USP14: variants seen among roughly 807,000 people sequenced by gnomAD.
The protein encoded by USP14 is ubiquitin specific peptidase 14.
A neutral mutation model predicts 76.5 loss-of-function variants in USP14; 38 were observed. That is an observed-to-expected ratio of 0.50 (90% confidence interval 0.38 to 0.65). The LOEUF (loss-of-function observed/expected upper bound fraction) is 0.65, where lower values mean the gene tolerates loss of function less well. USP14 is among the 30% of genes least tolerant of loss of function. The pLI, the probability that USP14 is intolerant of heterozygous loss-of-function variation, is 0.00. For synonymous variants in USP14, 192 were observed against 191.7 expected (o/e 1.00, Z -0.01); for missense variants, 467 against 586.5 (o/e 0.80, Z 2.10).
rs1034753308 is a variant in USP14, at chr18:160,931, T to A, written c.16+2217T>A. On this transcript the variant is annotated intron_variant, in intron 1 of 15. Coordinates refer to ENST00000261601, the MANE Select transcript of USP14 (RefSeq NM_005151.4). ...AAGCCTTTACGTATTTTATTTTATT[T>A]TTTTTTATTTTTTGAGACCAAGTTT... Among the ~76,000 whole-genome samples, 111 of 152,298 alleles carry A rather than the reference T, an allele frequency of 7.3e-4. 2 individuals are homozygous for A. The highest frequency in any genetic ancestry group is 2.5e-3 in the African/African-American group (102 of 41,568).
At position 214,553 on chromosome 18, in the gene USP14, A is replaced by G. The variant is rs1228802979; in HGVS notation, c.*3269A>G. 6 of 1,219,432 alleles carry G rather than the reference A, an allele frequency of 4.9e-6. No individual in the cohort carries two copies. In the African/African-American group the frequency reaches 9.1e-5, roughly 19 times the overall value. The allele number at this position is 1,219,432 out of a possible 1,614,324, so 75.5% of individuals were successfully genotyped here. ...AAAATGTTTATTGTTTACCAAAACC[A>G]GTGGACCTCTTATCAAATGCTGCTT... is the stretch of plus-strand genomic sequence containing the variant. On this transcript the variant is annotated 3_prime_UTR_variant, in exon 16 of 16. Coordinates refer to ENST00000261601, the MANE Select transcript of USP14 (RefSeq NM_005151.4).
rs544953300 is a variant in USP14 at position 182,870 on chromosome 18, T to G, written c.404+2531T>G. Among the ~76,000 whole-genome samples the G allele has an allele frequency of 5.3e-4, 80 of 152,184 alleles. 1 individual carries two copies. The highest frequency in any genetic ancestry group is 2.4e-3 in the Admixed American group (36 of 15,282). On this transcript the variant is annotated intron_variant, in intron 5 of 15. Transcript: ENST00000261601. ...GTGCAACTGCCTGGAGAAGGATGGA[T>G]GTAGAAACGGTGATAGATGGGAGAT...
chr18:199,432 C>A, intron 10 of USP14, 116 bp downstream of exon 10: 1 of 680,914 alleles, frequency 1.5e-6, no homozygotes, highest in Non-Finnish European at 2.5e-6. Flanking sequence ...GAGCAATACG[C>A]ATTTTGAGTT....
chr18:196,758 T>C lies in USP14; in HGVS notation c.585T>C (p.Tyr195=), dbSNP rs1252836282. 2 of 1,613,560 alleles carry C rather than the reference T, an allele frequency of 1.2e-6. No homozygotes were observed. The highest frequency in any genetic ancestry group is 1.7e-6 in the Non-Finnish European group (2 of 1,179,870). The part of the protein sequence containing the change: ...QFAEKGEQGQ[Y]LQQDANECWI... The stretch of plus-strand genomic sequence containing the variant: ...CCGAGAAAGGTGAACAAGGACAGTA[T>C]CTTCAACAGGTAATTAGGGCAAGGT... Residue 195 remains tyrosine (Y), a synonymous_variant, in exon 7 of 16, where the codon TAT becomes TAC. Transcript: ENST00000261601.
chr18:158,666 C>T lies in USP14; in HGVS notation c.-33C>T, dbSNP rs751597651. ...TTTGCCGCCCTCGTCAGGCCCAGCT[C>T]TCCTGCGCCGCCGCCTCCCGCCGCG... On this transcript the variant is annotated 5_prime_UTR_variant, in exon 1 of 16. Transcript: ENST00000261601. 8.5e-6 allele frequency: 13 copies of T among 1,520,596 alleles called. No homozygotes were observed. The East Asian group carries it at 2.1e-4, about 25-fold the overall frequency. The allele number at this position is 1,520,596 out of a possible 1,614,324, so 94.2% of individuals were successfully genotyped here.
chr18:183,330 T>C (rs1294880524), intron 5 of USP14, among the ~76,000 whole-genome samples: 3 of 151,930 alleles, frequency 2.0e-5, no homozygotes, highest in African/African-American at 7.2e-5. Context: ...CTTTTTTTTT[T>C]TTCTTTCCCC....
chr18:179,863 A>C (rs1341858811), intron 4 of USP14, among the ~76,000 whole-genome samples: 2 of 151,694 alleles, frequency 1.3e-5, no homozygotes, highest in African/African-American at 4.8e-5. Context: ...AGCCTTCCAA[A>C]GTGCTGGGAT....
chr18:163,460 TGTA>T lies in USP14; in HGVS notation c.162+10_162+12del, dbSNP rs1392068235. On this transcript the variant is annotated splice_region_variant and intron_variant, in intron 2 of 15. Coordinates refer to ENST00000261601, the MANE Select transcript of USP14 (RefSeq NM_005151.4). ...GAAAGGAGGAACGCTAAAGGTAAAA[TGTA>T]GTCCAAATTTTCATCACATTACTAT... The T allele has an allele frequency of 6.9e-6, 11 of 1,599,706 alleles. No homozygotes were observed. The highest frequency in any genetic ancestry group is 8.5e-6 in the Non-Finnish European group (10 of 1,174,894).
At position 158,587 on chromosome 18, in the gene USP14, C is replaced by A; in HGVS notation, c.-112C>A. ...AGACTCGTCGCACCGAAGCCGCCGCCACCACCGCGCCTCCGCCTCGGCCGC... is the reference window on the plus strand; with the variant it reads ...AGACTCGTCGCACCGAAGCCGCCGCAACCACCGCGCCTCCGCCTCGGCCGC... On this transcript the variant is annotated 5_prime_UTR_variant, in exon 1 of 16. Transcript: ENST00000261601. 1.7e-6 allele frequency: 2 copies of A among 1,166,234 alleles called. No individual in the cohort carries two copies. The highest frequency in any genetic ancestry group is 1.2e-6 in the Non-Finnish European group (1 of 842,896). The allele number at this position is 1,166,234 out of a possible 1,614,324, so 72.2% of individuals were successfully genotyped here.
chr18:162,599 C>T (rs1909152262), intron 1 of USP14, among the ~76,000 whole-genome samples: 1 of 152,044 alleles, frequency 6.6e-6, no homozygotes, highest in East Asian at 1.9e-4. Flanking sequence ...ACTATCTAAC[C>T]TTTCTCTCTC....
chr18:199,105 A>G (rs934367932), intron 9 of USP14, 97 bp from the exon 10 acceptor site: 11 of 715,184 alleles, frequency 1.5e-5, no homozygotes, highest in Non-Finnish European at 2.3e-5. Flanking sequence ...AATGAATGAT[A>G]CTATTAATTT....
At chr18:196,399 C>T (rs1910235901) in intron 6 of USP14, 1 of 299,242 alleles carries the variant, frequency 3.3e-6, no homozygotes, top group Admixed American at 4.9e-5. Flanking sequence ...TGGCGTGTGC[C>T]TGTAATCCCA....
chr18:177,935 A>C (rs1909672137), intron 3 of USP14, among the ~76,000 whole-genome samples: 1 of 152,212 alleles, frequency 6.6e-6, no homozygotes, highest in Admixed American at 6.5e-5. Flanking sequence ...ATGCTCTAAA[A>C]ATATTTGTAT....
At chr18:205,439 C>T (rs1470548527) in intron 13 of USP14, among the ~76,000 whole-genome samples, 1 of 152,124 alleles carries the variant, frequency 6.6e-6, no homozygotes, top group East Asian at 1.9e-4. Flanking sequence ...TCCTTAATTC[C>T]TGACAACTAC....
At chr18:191,705 C>T (rs573391158) in intron 5 of USP14, among the ~76,000 whole-genome samples, 47 of 152,274 alleles carry the variant, frequency 3.1e-4, no homozygotes, top group Middle Eastern at 3.4e-3. Context: ...CACTCAGTAT[C>T]TAGCTTGGAG....
intron 1 of USP14, among the ~76,000 whole-genome samples, chr18:161,565 C>G (rs902425266): frequency 5.9e-5 from 9 of 152,072 alleles, no homozygotes; most frequent in African/African-American, 2.2e-4. Flanking sequence ...TTACTCTAGC[C>G]TCCTCCCACC....
chr18:202,127 G>C (rs528769078), intron 10 of USP14, among the ~76,000 whole-genome samples: 1 of 152,160 alleles, frequency 6.6e-6, no homozygotes, highest in South Asian at 2.1e-4. Context: ...TTAAAGCAGA[G>C]CACATAAGTA....
intron 6 of USP14, among the ~76,000 whole-genome samples, chr18:195,973 G>GA (rs1459735111): frequency 6.6e-6 from 1 of 152,000 alleles, no homozygotes; most frequent in African/African-American, 2.4e-5. Flanking sequence ...ATTTAAAAAG[G>GA]ATTTTTTTTT....
chr18:213,991 A>ATAGATAGATAGG lies in USP14; in HGVS notation c.*2716_*2717insAGGTAGATAGAT, dbSNP rs1162642598. ...ATAGATAGATTAGATAGATAGATAG[A>ATAGATAGATAGG]TAGATAGATGATGATTGATTGATGA... On this transcript the variant is annotated 3_prime_UTR_variant, in exon 16 of 16. Transcript: ENST00000261601. The ATAGATAGATAGG allele has an allele frequency of 1.1e-4, 16 of 150,816 alleles. 1 individual carries two copies. The highest frequency in any genetic ancestry group is 3.9e-4 in the African/African-American group (16 of 41,342). 9.3% of individuals were successfully genotyped at this position (150,816 alleles called of 1,614,324 possible).
Sources: allele counts gnomAD v4.1 joint callset (sites outside exome capture counted in the v4.1 genomes callset), GRCh38; gene constraint gnomAD v4.1.1; transcripts MANE v1.5; gene names NCBI Gene and HGNC (gene_info 2026-07-23, HGNC 2026-07-21).